The following KCNIP4 variants were observed in gnomAD, a reference collection of about 807,000 sequenced individuals.
KCNIP4 encodes the protein Kv channel-interacting protein 4.
KCNIP4 carries 12 observed loss-of-function variants against 34.0 expected under a neutral mutation model. The ratio of observed to expected loss-of-function variants is 0.35; its 90% CI spans 0.23 to 0.57. The LOEUF (loss-of-function observed/expected upper bound fraction) is 0.57. KCNIP4 is among the 20% of genes least tolerant of loss of function. The pLI is 0.83. For missense variants in KCNIP4, 238 were observed against 311.7 expected (o/e 0.76, Z 1.78); for synonymous variants, 124 against 102.2 (o/e 1.21, Z -1.29).
At chr4:21,510,215 A>T (rs553747588) in intron 1 of KCNIP4, among the ~76,000 whole-genome samples, 1 of 152,138 alleles carries the variant, frequency 6.6e-6, no homozygotes, top group Admixed American at 6.5e-5. Flanking sequence ...TTCAAAAAAA[A>T]CTCATTGGAT....
chr4:20,731,723 C>A, intron 8 of KCNIP4: 1 of 985,238 alleles, frequency 1.0e-6, no homozygotes. Flanking sequence ...TATGTTTTAT[C>A]CTCCATGAAT....
At chr4:21,905,964 A>G (rs555171831) in intron 1 of KCNIP4, among the ~76,000 whole-genome samples, 8 of 152,282 alleles carry the variant, frequency 5.3e-5, no homozygotes, top group Admixed American at 3.9e-4. Context: ...ACTTGTTTGC[A>G]TAGACCACAG....
intron 1 of KCNIP4, among the ~76,000 whole-genome samples, chr4:21,312,459 C>A (rs1312239709): frequency 6.6e-6 from 1 of 152,186 alleles, no homozygotes; most frequent in African/African-American, 2.4e-5. Context: ...AGAAACACTG[C>A]ATTAATCTGC....
At chr4:21,430,302 C>A (rs577734627) in intron 1 of KCNIP4, among the ~76,000 whole-genome samples, 1 of 151,984 alleles carries the variant, frequency 6.6e-6, no homozygotes, top group African/African-American at 2.4e-5. Flanking sequence ...GTGATAACGG[C>A]TTTTACAAAT....
In KCNIP4 at chr4:21,304,782, T is replaced by C. The variant is rs140417461; in HGVS notation, c.62-422073A>G. Among the ~76,000 whole-genome samples, 715 of 152,312 alleles carry C rather than the reference T, an allele frequency of 4.7e-3. 10 individuals are homozygous for C. The highest frequency in any genetic ancestry group is 0.016 in the African/African-American group (674 of 41,570). ...TTGAGTAGTAACTATCATATCTTTTTGAAGCATGGGAATAATAAACTAATA... is the reference window on the plus strand; with the variant it reads ...TTGAGTAGTAACTATCATATCTTTTCGAAGCATGGGAATAATAAACTAATA... On this transcript the variant is annotated intron_variant, in intron 1 of 8. Coordinates refer to ENST00000382152, the MANE Select transcript of KCNIP4 (RefSeq NM_025221.6).
chr4:21,402,648 C>T (rs1005435487), intron 1 of KCNIP4, among the ~76,000 whole-genome samples: 17 of 152,142 alleles, frequency 1.1e-4, no homozygotes, highest in Non-Finnish European at 1.8e-4. Flanking sequence ...CAGCATGAAA[C>T]ATCCACACAA....
chr4:21,733,585 T>G (rs1355753568), intron 1 of KCNIP4, among the ~76,000 whole-genome samples: 3 of 152,186 alleles, frequency 2.0e-5, no homozygotes, highest in Non-Finnish European at 4.4e-5. Flanking sequence ...GTATAATTTT[T>G]GCAAGTCAAT....
At chr4:21,812,888 G>C (rs1032590479) in intron 1 of KCNIP4, among the ~76,000 whole-genome samples, 1 of 152,096 alleles carries the variant, frequency 6.6e-6, no homozygotes, top group Non-Finnish European at 1.5e-5. Flanking sequence ...TCTGTGTAGT[G>C]CTTGGGATAT....
chr4:21,142,414 C>T (rs937579975), intron 1 of KCNIP4, among the ~76,000 whole-genome samples: 4 of 152,130 alleles, frequency 2.6e-5, no homozygotes, highest in African/African-American at 4.8e-5. Flanking sequence ...GTTACATCTA[C>T]ACATCCCAGA....
chr4:21,938,649 C>T lies in KCNIP4; in HGVS notation c.61+9922G>A, dbSNP rs574254022. ...ATGATAGATTTACTGTGTGTTCCTT[C>T]AGCTTATTATTTCACAGAAGACAAG... On this transcript the variant is annotated intron_variant, in intron 1 of 8. Coordinates refer to ENST00000382152, the MANE Select transcript of KCNIP4 (RefSeq NM_025221.6). Among the ~76,000 whole-genome samples the T allele has an allele frequency of 8.9e-4, 136 of 152,270 alleles. 1 individual carries two copies. Among genetic ancestry groups the T allele is most frequent in the African/African-American group, 3.2e-3 (132 of 41,554 alleles).
intron 5 of KCNIP4, among the ~76,000 whole-genome samples, chr4:20,742,292 G>T (rs755425636): frequency 6.6e-6 from 1 of 152,178 alleles, no homozygotes; most frequent in South Asian, 2.1e-4. Context: ...CAATATCCCT[G>T]CTGAACATCG....
At chr4:21,479,857 A>C (rs17524686) in intron 1 of KCNIP4, among the ~76,000 whole-genome samples, 16,465 of 151,964 alleles carry the variant, frequency 0.11, 1,134 homozygotes, top group South Asian at 0.17. Context: ...AAAGCCAGTT[A>C]TTTGAAATTA....
At chr4:21,045,131 C>T (rs1742323107) in intron 1 of KCNIP4, among the ~76,000 whole-genome samples, 2 of 152,338 alleles carry the variant, frequency 1.3e-5, no homozygotes, top group South Asian at 4.1e-4. Context: ...TCATGCTCCT[C>T]TATGAACAAG....
At chr4:21,854,885 A>G (rs1249040719) in intron 1 of KCNIP4, among the ~76,000 whole-genome samples, 1 of 152,210 alleles carries the variant, frequency 6.6e-6, no homozygotes, top group Admixed American at 6.5e-5. Context: ...TTAAATGTGT[A>G]TCTGCCTTGA....
chr4:20,774,893 C>T (rs10938805), intron 3 of KCNIP4, among the ~76,000 whole-genome samples: 90,880 of 151,972 alleles, frequency 0.6, 27,989 homozygotes, highest in African/African-American at 0.73. Flanking sequence ...TTGCCATTCA[C>T]AAGATAGGTA....
chr4:21,756,576 G>C (rs968463713), intron 1 of KCNIP4, among the ~76,000 whole-genome samples: 2 of 151,210 alleles, frequency 1.3e-5, no homozygotes, highest in South Asian at 4.2e-4. Flanking sequence ...AAAAGAGAGA[G>C]AGAGAGAAAT....
At chr4:21,504,475 A>AAAAAAAAAAAGAAAGAAAG (rs1264431211) in intron 1 of KCNIP4, among the ~76,000 whole-genome samples, 6 of 101,880 alleles carry the variant, frequency 5.9e-5, no homozygotes, top group African/African-American at 2.3e-4. Flanking sequence ...CAAAAAAAAA[A>AAAAAAAAAAAGAAAGAAAG]AAAGAAAGAA....
At chr4:20,996,133 A>T (rs1267458171) in intron 1 of KCNIP4, among the ~76,000 whole-genome samples, 1 of 152,150 alleles carries the variant, frequency 6.6e-6, no homozygotes, top group Non-Finnish European at 1.5e-5. Context: ...CCAATCAACA[A>T]ATCCCATTGG....
At chr4:21,414,731 G>A (rs1181272524) in intron 1 of KCNIP4, among the ~76,000 whole-genome samples, 1 of 152,104 alleles carries the variant, frequency 6.6e-6, no homozygotes, top group Non-Finnish European at 1.5e-5. Flanking sequence ...TACATACAAT[G>A]GAATATTATT....
Sources: gnomAD v4.1 joint callset for allele counts (sites outside exome capture counted in the v4.1 genomes callset) on GRCh38, gnomAD v4.1.1 for gene constraint, MANE v1.5 for transcripts, NCBI Gene and HGNC (gene_info 2026-07-23, HGNC 2026-07-21) for gene names.